The following CSMD1 variants were observed in gnomAD, a reference collection of about 807,000 sequenced individuals.
CSMD1 encodes the protein CUB and Sushi multiple domains 1, also known as CUB and sushi domain-containing protein 1.
In CSMD1, 213 loss-of-function variants were observed where a neutral mutation model predicts 417.5. The observed-to-expected ratio is 0.51, with a 90% confidence interval of 0.46 to 0.57. The LOEUF (loss-of-function observed/expected upper bound fraction) is 0.57, where lower values mean the gene tolerates loss of function less well. Among genes scored for constraint, CSMD1 ranks in the 20% least tolerant of loss-of-function variants. The pLI is 0.00. For synonymous variants in CSMD1, 2,862 were observed against 1,736.8 expected (o/e 1.65, Z -16.11); for missense variants, 6,923 against 4,529.7 (o/e 1.53, Z -15.17).
intron 4 of CSMD1, among the ~76,000 whole-genome samples, chr8:4,014,543 G>T (rs532027063): frequency 6.6e-6 from 1 of 152,118 alleles, no homozygotes; most frequent in African/African-American, 2.4e-5. Flanking sequence ...GATCCTAATA[G>T]CCGTTATTGG....
intron 8 of CSMD1, among the ~76,000 whole-genome samples, chr8:3,591,068 C>T (rs572497761): frequency 2.8e-4 from 43 of 152,302 alleles, no homozygotes; most frequent in African/African-American, 9.1e-4. Flanking sequence ...TGGCAAGTTA[C>T]TTTAGTCCGC....
intron 1 of CSMD1, among the ~76,000 whole-genome samples, chr8:4,946,792 T>C (rs1356959098): frequency 1.3e-5 from 2 of 152,216 alleles, no homozygotes; most frequent in South Asian, 2.1e-4. Context: ...TACAGGGAAA[T>C]AAATTAGACT....
intron 1 of CSMD1, among the ~76,000 whole-genome samples, chr8:4,973,605 T>C (rs1025100369): frequency 5.3e-5 from 8 of 152,200 alleles, no homozygotes; most frequent in Non-Finnish European, 7.3e-5. Flanking sequence ...TAAAGTGTTC[T>C]CTAATTTCGT....
chr8:3,371,733 C>T (rs1809962778), intron 18 of CSMD1, among the ~76,000 whole-genome samples: 1 of 152,134 alleles, frequency 6.6e-6, no homozygotes, highest in African/African-American at 2.4e-5. Context: ...CAAATCATCT[C>T]CTTTAATACG....
chr8:3,390,487 C>G (rs1022222585), intron 17 of CSMD1, among the ~76,000 whole-genome samples: 4 of 151,334 alleles, frequency 2.6e-5, no homozygotes, highest in Non-Finnish European at 5.9e-5. Flanking sequence ...AAAGGTAGGG[C>G]AAAGTCCTAC....
At chr8:4,051,985 G>C (rs1319367803) in intron 3 of CSMD1, among the ~76,000 whole-genome samples, 1 of 151,292 alleles carries the variant, frequency 6.6e-6, no homozygotes, top group African/African-American at 2.4e-5. Context: ...GAGTGCAACA[G>C]TGTTATCTCG....
intron 3 of CSMD1, among the ~76,000 whole-genome samples, chr8:4,410,156 G>T (rs920939313): frequency 6.6e-6 from 1 of 152,108 alleles, no homozygotes; most frequent in East Asian, 1.9e-4. Context: ...GGCTAATCTA[G>T]GCCAAATGGA....
chr8:4,820,761 T>C (rs1388328385), intron 1 of CSMD1, among the ~76,000 whole-genome samples: 3 of 152,184 alleles, frequency 2.0e-5, no homozygotes, highest in Admixed American at 2.0e-4. Context: ...AGACATTTAT[T>C]CCTGTTTTTC....
chr8:3,254,109 G>T (rs1384447123), intron 26 of CSMD1, among the ~76,000 whole-genome samples: 1 of 152,130 alleles, frequency 6.6e-6, no homozygotes, highest in African/African-American at 2.4e-5. Context: ...GTCTGTAAAG[G>T]ATTTTATTTC....
At chr8:4,040,087 T>C (rs1401835610) in intron 3 of CSMD1, among the ~76,000 whole-genome samples, 1 of 152,204 alleles carries the variant, frequency 6.6e-6, no homozygotes, top group African/African-American at 2.4e-5. Context: ...TTTCAAAGTA[T>C]ACAGAGATTT....
intron 7 of CSMD1, among the ~76,000 whole-genome samples, chr8:3,634,992 G>C (rs1467595185): frequency 6.6e-6 from 1 of 151,970 alleles, no homozygotes; most frequent in African/African-American, 2.4e-5. Context: ...TAAGAAATTT[G>C]TGTATCTAAA....
intron 1 of CSMD1, among the ~76,000 whole-genome samples, chr8:4,903,156 G>T (rs1563721674): frequency 6.6e-6 from 1 of 152,072 alleles, no homozygotes; most frequent in African/African-American, 2.4e-5. Flanking sequence ...ATCTTGAACA[G>T]TTTGTAATGC....
At chr8:3,684,203 A>AATT (rs201939987) in intron 7 of CSMD1, among the ~76,000 whole-genome samples, 1 of 140,760 alleles carries the variant, frequency 7.1e-6, no homozygotes, top group Admixed American at 7.5e-5. Context: ...TATAACATGT[A>AATT]ATTATATATA....
chr8:4,554,971 C>G (rs1384886143), intron 2 of CSMD1, among the ~76,000 whole-genome samples: 1 of 152,096 alleles, frequency 6.6e-6, no homozygotes, highest in African/African-American at 2.4e-5. Flanking sequence ...GCTGGAGGGG[C>G]CACCAGGGCC....
chr8:4,993,330 A>G lies in CSMD1; in HGVS notation c.85+1002T>C, dbSNP rs373644882. On this transcript the variant is annotated intron_variant, in intron 1 of 69. Transcript: ENST00000635120. ...GATAAAGAAAGCATCTAAGGAGGCT[A>G]AAAATGAGGACAGGGGCAGGTATTT... 7.9e-4 allele frequency among the ~76,000 whole-genome samples: 118 copies of G among 149,614 alleles called. 3 individuals are homozygous for G. The South Asian group carries it at 0.021, about 26-fold the overall frequency.
intron 5 of CSMD1, among the ~76,000 whole-genome samples, chr8:3,966,424 T>A (rs1187472363): frequency 6.6e-6 from 1 of 152,124 alleles, no homozygotes; most frequent in Admixed American, 6.5e-5. Context: ...ATATATCAGG[T>A]ATTATATATA....
chr8:4,022,507 G>C lies in CSMD1; in HGVS notation c.610+9398C>G, dbSNP rs1203842856. Among the ~76,000 whole-genome samples the C allele has an allele frequency of 2.6e-5, 4 of 152,134 alleles. No individual in the cohort carries two copies. The East Asian group carries it at 7.7e-4, about 29-fold the overall frequency. On this transcript the variant is annotated intron_variant, in intron 4 of 69. Transcript: ENST00000635120. Reference sequence around the variant, plus strand: ...AAGACTTCCCTCCGAAGCAACATTTGGTAGAAAGCATTTGAGGTGAAACTG... The same window carrying C: ...AAGACTTCCCTCCGAAGCAACATTTCGTAGAAAGCATTTGAGGTGAAACTG...
At chr8:4,010,181 C>T (rs916684889) in intron 4 of CSMD1, among the ~76,000 whole-genome samples, 11 of 152,154 alleles carry the variant, frequency 7.2e-5, no homozygotes, top group Admixed American at 3.9e-4. Context: ...CTGTAGTCCA[C>T]GTACACTGGT....
At chr8:4,854,283 G>C (rs1801658806) in intron 1 of CSMD1, among the ~76,000 whole-genome samples, 2 of 152,154 alleles carry the variant, frequency 1.3e-5, no homozygotes, top group South Asian at 2.1e-4. Context: ...GTTGGAGACA[G>C]GGCTTGGTAG....
Sources: gnomAD v4.1 joint callset for allele counts (sites outside exome capture counted in the v4.1 genomes callset) on GRCh38, gnomAD v4.1.1 for gene constraint, MANE v1.5 for transcripts, NCBI Gene and HGNC (gene_info 2026-07-23, HGNC 2026-07-21) for gene names.